Variants in ELAPOR1 observed in about 807,000 individuals in gnomAD.
ELAPOR1 encodes endosome-lysosome associated apoptosis and autophagy regulator 1.
In ELAPOR1, 77 loss-of-function variants were observed where a neutral mutation model predicts 119.7. The observed-to-expected ratio is 0.64, with a 90% CI of 0.54 to 0.78. The LOEUF (loss-of-function observed/expected upper bound fraction) is 0.78. ELAPOR1 is among the 30% of genes least tolerant of loss of function. The pLI, the probability that ELAPOR1 is intolerant of heterozygous loss-of-function variation, is 0.00. For missense variants in ELAPOR1, 1,115 were observed against 1,270.4 expected (o/e 0.88, Z 1.86); for synonymous variants, 481 against 487.2 (o/e 0.99, Z 0.17).
At chr1:109,169,326 G>A (rs1394706507) in intron 3 of ELAPOR1, among the ~76,000 whole-genome samples, 8 of 152,064 alleles carry the variant, frequency 5.3e-5, no homozygotes, top group African/African-American at 7.2e-5. Context: ...TGCAACCTCC[G>A]CCTCCCAAGT....
At chr1:109,158,558 A>G (rs1651038202) in intron 1 of ELAPOR1, among the ~76,000 whole-genome samples, 1 of 151,774 alleles carries the variant, frequency 6.6e-6, no homozygotes, top group South Asian at 2.1e-4. Flanking sequence ...CCACCCTCTC[A>G]TTTCTAAACC....
At chr1:109,138,904 A>C (rs1424611193) in intron 1 of ELAPOR1, among the ~76,000 whole-genome samples, 1 of 151,880 alleles carries the variant, frequency 6.6e-6, no homozygotes, top group Non-Finnish European at 1.5e-5. Context: ...TTAATTTAAA[A>C]CAAATTTTTA....
At chr1:109,185,272 G>C in intron 8 of ELAPOR1, 139 bp downstream of exon 8, 1 of 661,734 alleles carries the variant, frequency 1.5e-6, no homozygotes, top group South Asian at 1.8e-5. Context: ...GTGACCCTAG[G>C]GCTAGGTGGG....
chr1:109,155,812 T>G (rs1330346917), intron 1 of ELAPOR1, among the ~76,000 whole-genome samples: 1 of 152,160 alleles, frequency 6.6e-6, no homozygotes, highest in Non-Finnish European at 1.5e-5. Context: ...CCTCCCTCTT[T>G]GTATTTCTGA....
intron 1 of ELAPOR1, among the ~76,000 whole-genome samples, chr1:109,137,499 C>T (rs1261755821): frequency 6.6e-6 from 1 of 150,772 alleles, no homozygotes; most frequent in African/African-American, 2.4e-5. Flanking sequence ...CCACCACACC[C>T]GACCTAAATT....
chr1:109,150,338 A>G (rs866917008), intron 1 of ELAPOR1, among the ~76,000 whole-genome samples: 3 of 152,184 alleles, frequency 2.0e-5, no homozygotes, highest in Non-Finnish European at 4.4e-5. Context: ...AGGGCAGTGT[A>G]AGGCCAGGGT....
intron 1 of ELAPOR1, among the ~76,000 whole-genome samples, chr1:109,161,351 G>A (rs994320565): frequency 8.0e-5 from 12 of 150,056 alleles, no homozygotes; most frequent in Admixed American, 4.0e-4. Context: ...CGGAGGTTAC[G>A]GTGAGCCAAG....
chr1:109,181,745 G>A (rs1652707283), intron 7 of ELAPOR1, among the ~76,000 whole-genome samples: 1 of 152,062 alleles, frequency 6.6e-6, no homozygotes, highest in South Asian at 2.1e-4. Context: ...GCTGAATTGG[G>A]CCTCCTGCTT....
At chr1:109,162,151 A>G in intron 2 of ELAPOR1, 137 bp downstream of exon 2, 1 of 894,964 alleles carries the variant, frequency 1.1e-6, no homozygotes, top group Non-Finnish European at 1.7e-6. Flanking sequence ...ATTAGTCCCC[A>G]CATCCCAGAC....
intron 1 of ELAPOR1, among the ~76,000 whole-genome samples, chr1:109,134,252 T>C (rs1032647888): frequency 6.6e-6 from 1 of 152,188 alleles, no homozygotes; most frequent in Non-Finnish European, 1.5e-5. Flanking sequence ...AATATCACAG[T>C]TTCCCGGAGG....
Position 109,192,803 on chromosome 1 carries a change from A to C in ELAPOR1, c.1876A>C (p.Ile626Leu). The C allele has an allele frequency of 1.9e-6, 3 of 1,613,962 alleles. No individual in the cohort carries two copies. Among genetic ancestry groups the C allele is most frequent in the Non-Finnish European group, 2.5e-6 (3 of 1,179,994 alleles). ...GTCHSCPTNTILKAHQPYGVQ... is the reference protein window; with the variant it reads ...GTCHSCPTNTLLKAHQPYGVQ... The stretch of plus-strand genomic sequence containing the variant: ...CTGCCACTCCTGCCCCACTAACACA[A>C]TTCTGAAAGCCCACCAGCCTTATGG... The change falls in exon 14 of 22, where the codon ATT (isoleucine) becomes CTT (leucine). Residue 626 changes from isoleucine to leucine, a missense_variant. Ile to Leu is a conservative substitution (Grantham distance 5, BLOSUM62 2). Transcript: ENST00000369939.
chr1:109,175,333 G>A (rs1652204718), intron 7 of ELAPOR1, among the ~76,000 whole-genome samples: 2 of 151,378 alleles, frequency 1.3e-5, no homozygotes, highest in Admixed American at 6.6e-5. Context: ...CTCCCAAGTA[G>A]CTGGGATTAC....
At chr1:109,183,234 C>G (rs1652805963) in intron 7 of ELAPOR1, among the ~76,000 whole-genome samples, 1 of 150,244 alleles carries the variant, frequency 6.7e-6, no homozygotes, top group Non-Finnish European at 1.5e-5. Flanking sequence ...TGCCTGTAAT[C>G]CCAGCACTTT....
Position 109,173,727 on chromosome 1 carries a change from G to A in ELAPOR1, c.842G>A (p.Gly281Asp). The A allele has an allele frequency of 6.2e-7, 1 of 1,614,090 alleles. No individual in the cohort carries two copies. The change falls in exon 7 of 22, where the codon GGC becomes GAC. Residue 281 changes from glycine to aspartate, a missense_variant. Coordinates refer to ENST00000369939, the MANE Select transcript of ELAPOR1 (RefSeq NM_020775.5). ...YTSECFPCKP[G>D]TYADKQGSSF... ...TCAGAATGCTTCCCCTGCAAACCTG[G>A]CACGTATGCAGACAAGCAGGGCTCC...
intron 1 of ELAPOR1, among the ~76,000 whole-genome samples, chr1:109,151,185 T>C (rs1309817741): frequency 6.6e-6 from 1 of 152,168 alleles, no homozygotes; most frequent in Non-Finnish European, 1.5e-5. Context: ...AGCTAGAGAA[T>C]CAGGATCTTG....
rs772036223 is a variant in ELAPOR1 at position 109,197,574 on chromosome 1, C to T, written c.2222C>T (p.Ala741Val). ...TCTATCACAGCCTACGTCTGCCAGG[C>T]AGTCATCATCCCCCCAGAGGTGACA... ...SKSITAYVCQAVIIPPEVTGY... is the reference protein window; with the variant it reads ...SKSITAYVCQVVIIPPEVTGY... The change falls in exon 16 of 22, where the codon GCA becomes GTA. Residue 741 changes from alanine (A) to valine (V), a missense_variant. Coordinates refer to ENST00000369939, the MANE Select transcript of ELAPOR1 (RefSeq NM_020775.5). 6.2e-7 allele frequency: 1 copy of T among 1,614,244 alleles called. No homozygotes were observed. The highest frequency in any genetic ancestry group is 2.2e-5 in the East Asian group (1 of 44,888).
intron 7 of ELAPOR1, among the ~76,000 whole-genome samples, chr1:109,178,869 G>A (rs1279897740): frequency 1.3e-5 from 2 of 151,914 alleles, no homozygotes; most frequent in African/African-American, 2.4e-5. Context: ...GGAGGCTGAG[G>A]CAGAAGAATC....
At chr1:109,121,234 C>T (rs1648395158) in intron 1 of ELAPOR1, among the ~76,000 whole-genome samples, 1 of 152,072 alleles carries the variant, frequency 6.6e-6, no homozygotes, top group South Asian at 2.1e-4. Context: ...GCAACCTCCG[C>T]CTCCCAGGTT....
At chr1:109,187,948 C>T in intron 8 of ELAPOR1, 1 of 1,285,534 alleles carries the variant, frequency 7.8e-7, no homozygotes, top group Non-Finnish European at 9.9e-7. Flanking sequence ...TATTCCTTGT[C>T]ACCCAGGCAA....
Sources: allele counts gnomAD v4.1 joint callset (sites outside exome capture counted in the v4.1 genomes callset), GRCh38; gene constraint gnomAD v4.1.1; transcripts MANE v1.5; gene names NCBI Gene and HGNC (gene_info 2026-07-23, HGNC 2026-07-21).